SDHAF3: variants seen among roughly 807,000 people sequenced by gnomAD.
The protein encoded by SDHAF3 is succinate dehydrogenase complex assembly factor 3.
A neutral mutation model predicts 11.5 loss-of-function variants in SDHAF3; 18 were observed. The observed-to-expected ratio is 1.56, with a 90% CI of 1.08 to 2.32. The LOEUF is 2.32. Among genes scored for constraint, SDHAF3 ranks in the 30% most tolerant of loss-of-function variants. The pLI, the probability that SDHAF3 is intolerant of heterozygous loss-of-function variation, is 0.00. For synonymous variants in SDHAF3, 72 were observed against 59.3 expected (o/e 1.21, Z -0.99); for missense variants, 200 against 154.4 (o/e 1.30, Z -1.57).
intron 1 of SDHAF3, among the ~76,000 whole-genome samples, chr7:97,141,576 C>T (rs559531975): frequency 1.2e-4 from 19 of 152,256 alleles, no homozygotes; most frequent in South Asian, 8.3e-4. Flanking sequence ...CGATATCTGG[C>T]GCCCGATGTG....
At chr7:97,122,826 C>T (rs1288753936) in intron 1 of SDHAF3, among the ~76,000 whole-genome samples, 4 of 151,762 alleles carry the variant, frequency 2.6e-5, no homozygotes, top group African/African-American at 9.7e-5. Context: ...TGGAAGTGCC[C>T]CTTTTGGGTA....
At chr7:97,149,779 A>G (rs1294029271) in intron 1 of SDHAF3, among the ~76,000 whole-genome samples, 2 of 152,174 alleles carry the variant, frequency 1.3e-5, no homozygotes, top group African/African-American at 4.8e-5. Context: ...AGCTGTGGCA[A>G]TTTCTTAAAA....
At chr7:97,136,831 A>G (rs1247683646) in intron 1 of SDHAF3, among the ~76,000 whole-genome samples, 1 of 152,194 alleles carries the variant, frequency 6.6e-6, no homozygotes, top group African/African-American at 2.4e-5. Flanking sequence ...TCTGTGTAAT[A>G]CTTGGAAGAT....
intron 1 of SDHAF3, among the ~76,000 whole-genome samples, chr7:97,126,452 A>G (rs1791579105): frequency 6.6e-6 from 1 of 151,970 alleles, no homozygotes; most frequent in African/African-American, 2.4e-5. Context: ...GCCCAGGGAG[A>G]TGGGAGTTTT....
chr7:97,145,889 G>A (rs570575851), intron 1 of SDHAF3, among the ~76,000 whole-genome samples: 224 of 152,100 alleles, frequency 1.5e-3, no homozygotes, highest in African/African-American at 5.0e-3. Context: ...CTTCGTTTTC[G>A]GGATTTCCCA....
intron 1 of SDHAF3, among the ~76,000 whole-genome samples, chr7:97,150,783 C>G (rs913942611): frequency 6.6e-6 from 1 of 151,828 alleles, no homozygotes; most frequent in Non-Finnish European, 1.5e-5. Context: ...AGGATAGTCT[C>G]GATCTCCTGA....
At chr7:97,171,003 C>A (rs1447878893) in intron 1 of SDHAF3, among the ~76,000 whole-genome samples, 1 of 152,086 alleles carries the variant, frequency 6.6e-6, no homozygotes, top group Non-Finnish European at 1.5e-5. Flanking sequence ...AACATAGGTT[C>A]TTTTTTCTTT....
chr7:97,175,338 T>C (rs1158645521), intron 1 of SDHAF3, among the ~76,000 whole-genome samples: 2 of 152,190 alleles, frequency 1.3e-5, no homozygotes, highest in African/African-American at 4.8e-5. Flanking sequence ...ACTTGTGTCA[T>C]GGGGGTTTGT....
intron 1 of SDHAF3, among the ~76,000 whole-genome samples, chr7:97,166,369 G>A (rs1789504606): frequency 6.6e-6 from 1 of 152,154 alleles, no homozygotes; most frequent in African/African-American, 2.4e-5. Flanking sequence ...AAATTGGGGA[G>A]GGTGGGAGTT....
intron 1 of SDHAF3, among the ~76,000 whole-genome samples, chr7:97,130,523 TCAGCTTGTTCATGTTA>T: frequency 6.6e-6 from 1 of 152,150 alleles, no homozygotes. Context: ...GGTGAGCTGA[TCAGCTTGTTCATGTTA>T]CAGCTTGTTC....
At chr7:97,143,113 C>T (rs1313233530) in intron 1 of SDHAF3, among the ~76,000 whole-genome samples, 1 of 151,770 alleles carries the variant, frequency 6.6e-6, no homozygotes, top group East Asian at 1.9e-4. Flanking sequence ...CCAGGCTGGT[C>T]TCGAACTCCT....
intron 1 of SDHAF3, among the ~76,000 whole-genome samples, chr7:97,139,595 G>C (rs372279000): frequency 6.6e-6 from 1 of 152,184 alleles, no homozygotes; most frequent in African/African-American, 2.4e-5. Context: ...TTGACTTTTA[G>C]GCTTTAAACT....
At chr7:97,178,306 C>G (rs895315040) in intron 1 of SDHAF3, among the ~76,000 whole-genome samples, 7 of 152,216 alleles carry the variant, frequency 4.6e-5, no homozygotes, top group African/African-American at 1.7e-4. Flanking sequence ...TGGTGGACAT[C>G]TAGGTTATTT....
intron 1 of SDHAF3, among the ~76,000 whole-genome samples, chr7:97,121,776 C>T (rs1210142758): frequency 6.6e-6 from 1 of 151,330 alleles, no homozygotes; most frequent in African/African-American, 2.4e-5. Flanking sequence ...AAAAAGAGAA[C>T]CTTCTAGAAA....
At chr7:97,133,519 TC>T (rs988543965) in intron 1 of SDHAF3, among the ~76,000 whole-genome samples, 1 of 152,206 alleles carries the variant, frequency 6.6e-6, no homozygotes, top group African/African-American at 2.4e-5. Context: ...TGCCCTTTTT[TC>T]CTGAACAGTA....
At chr7:97,162,278 G>GT (rs930867332) in intron 1 of SDHAF3, among the ~76,000 whole-genome samples, 2 of 151,976 alleles carry the variant, frequency 1.3e-5, no homozygotes, top group African/African-American at 4.8e-5. Flanking sequence ...TGATGGGGTT[G>GT]TTTTTTTCTT....
chr7:97,179,474 A>AT lies in SDHAF3; in HGVS notation c.175-1521dup, dbSNP rs1209427318. On this transcript the variant is annotated intron_variant, in intron 1 of 1. Coordinates refer to ENST00000432641, the MANE Select transcript of SDHAF3 (RefSeq NM_020186.3). ...TTTCTATTGAAGTACAATTATTTCC[A>AT]TTTTTTTTTTTTTTTTTGCTTTAAC... Among the ~76,000 whole-genome samples the AT allele has an allele frequency of 1.1e-3, 154 of 134,146 alleles. 1 individual carries two copies. The highest frequency in any genetic ancestry group is 4.0e-3 in the African/African-American group (153 of 37,868). The allele number at this position is 134,146 out of a possible 152,430, so 88.0% of individuals were successfully genotyped here. A position where few individuals can be genotyped will look rare whatever the true frequency, so the allele number is the denominator to read the frequency against.
chr7:97,127,910 T>G (rs1470914868), intron 1 of SDHAF3, among the ~76,000 whole-genome samples: 2 of 147,686 alleles, frequency 1.4e-5, no homozygotes, highest in East Asian at 3.9e-4. Flanking sequence ...TTTTTTTTTT[T>G]TTTTTTTTTT....
intron 1 of SDHAF3, among the ~76,000 whole-genome samples, chr7:97,144,054 T>C (rs892458420): frequency 6.6e-6 from 1 of 152,134 alleles, no homozygotes; most frequent in African/African-American, 2.4e-5. Context: ...TGGTATCACA[T>C]TGTGGTTTTG....
Sources: allele counts gnomAD v4.1 joint callset (sites outside exome capture counted in the v4.1 genomes callset), GRCh38; gene constraint gnomAD v4.1.1; transcripts MANE v1.5; gene names NCBI Gene and HGNC (gene_info 2026-07-23, HGNC 2026-07-21).